Variants in AGAP1 observed in about 807,000 individuals in gnomAD.
AGAP1 encodes ArfGAP with GTPase domain, ankyrin repeat and PH domain 1.
AGAP1 carries 29 observed loss-of-function variants against 105.3 expected under a neutral mutation model. The ratio of observed to expected loss-of-function variants is 0.28; its 90% CI spans 0.21 to 0.38. The LOEUF is 0.38. Ranked by LOEUF, AGAP1 falls within the 10% of genes least tolerant of loss-of-function variation. AGAP1 has a pLI of 1.00. For missense variants in AGAP1, 998 were observed against 1,165.1 expected, an observed-to-expected ratio of 0.86 and a Z score of 2.09; for synonymous variants, 509 against 485.9, an observed-to-expected ratio of 1.05 and a Z score of -0.63.
intron 1 of AGAP1, among the ~76,000 whole-genome samples, chr2:235,540,858 G>A (rs1421108557): frequency 6.6e-6 from 1 of 152,156 alleles, no homozygotes; most frequent in African/African-American, 2.4e-5. Context: ...GTGACTTCTG[G>A]TATTTTGGGG....
rs140883741 is a variant in AGAP1 at position 235,560,304 on chromosome 2, C to T, written c.163+65455C>T. Among the ~76,000 whole-genome samples, 219 of 152,154 alleles carry T rather than the reference C, an allele frequency of 1.4e-3. 1 individual carries two copies. The highest frequency in any genetic ancestry group is 4.9e-3 in the African/African-American group (204 of 41,512). On this transcript the variant is annotated intron_variant, in intron 1 of 17. Coordinates refer to ENST00000304032, the MANE Select transcript of AGAP1 (RefSeq NM_001037131.3). ...TAGATCATTTGATTGATTTTCTCTT[C>T]TTTCTTTCTCTCTTTCTGCTTCCTT...
intron 9 of AGAP1, among the ~76,000 whole-genome samples, chr2:235,881,929 C>T (rs184847511): frequency 1.5e-4 from 23 of 152,102 alleles, no homozygotes; most frequent in African/African-American, 5.3e-4. Flanking sequence ...TGAAATTTGC[C>T]AGTGGAATTT....
At chr2:235,651,309 A>T (rs12470262) in intron 1 of AGAP1, among the ~76,000 whole-genome samples, 1 of 151,354 alleles carries the variant, frequency 6.6e-6, no homozygotes, top group Admixed American at 6.6e-5. Flanking sequence ...AGGAAGTTCT[A>T]GTACCACTGA....
rs1373348382 is a variant in AGAP1 at position 236,044,584 on chromosome 2, G to A, written c.1891+3743G>A. 6.6e-6 allele frequency among the ~76,000 whole-genome samples: 1 copy of A among 152,044 alleles called. No individual in the cohort carries two copies. The highest frequency in any genetic ancestry group is 2.4e-5 in the African/African-American group (1 of 41,384). On this transcript the variant is annotated intron_variant, in intron 15 of 17. Coordinates refer to ENST00000304032, the MANE Select transcript of AGAP1 (RefSeq NM_001037131.3). This position sits in a 1 kb window ranked among gnomAD's most constrained non-coding sequence, Gnocchi z 5.7. ...CCTTATTTCCCTTTGTGAACCCCAG[G>A]CCTGCACACAAGAGGGGACTGGCAC...
At chr2:235,567,403 C>T (rs967862466) in intron 1 of AGAP1, among the ~76,000 whole-genome samples, 2 of 152,202 alleles carry the variant, frequency 1.3e-5, no homozygotes, top group South Asian at 2.1e-4. Flanking sequence ...GGGCCCTGGG[C>T]GTCATTTAGC....
intron 1 of AGAP1, among the ~76,000 whole-genome samples, chr2:235,542,004 CA>C (rs1368867092): frequency 6.6e-6 from 1 of 152,172 alleles, no homozygotes; most frequent in Non-Finnish European, 1.5e-5. Flanking sequence ...TTTCTGCCCA[CA>C]CTGGATATTA....
intron 1 of AGAP1, among the ~76,000 whole-genome samples, chr2:235,562,377 A>G (rs1307606620): frequency 6.6e-6 from 1 of 152,004 alleles, no homozygotes; most frequent in Non-Finnish European, 1.5e-5. Context: ...GTGGGGAGAG[A>G]TGGTTCCCCG....
chr2:235,869,956 C>G (rs929097133), intron 9 of AGAP1, among the ~76,000 whole-genome samples: 3 of 152,220 alleles, frequency 2.0e-5, no homozygotes, highest in Non-Finnish European at 4.4e-5. Flanking sequence ...AGGCCTCCTT[C>G]AGGCTTTGGC....
At chr2:236,093,591 A>G (rs966511980) in intron 16 of AGAP1, among the ~76,000 whole-genome samples, 1 of 152,262 alleles carries the variant, frequency 6.6e-6, no homozygotes. Flanking sequence ...GGACTCTCAC[A>G]TGGGAGGAGG....
At chr2:235,849,494 A>C (rs1961909856) in intron 9 of AGAP1, among the ~76,000 whole-genome samples, 1 of 151,780 alleles carries the variant, frequency 6.6e-6, no homozygotes, top group African/African-American at 2.4e-5. Context: ...CCTGCAGTGG[A>C]GGACAGGTTT....
intron 12 of AGAP1, among the ~76,000 whole-genome samples, chr2:235,935,847 C>T (rs1014142154): frequency 6.6e-6 from 1 of 152,096 alleles, no homozygotes; most frequent in Non-Finnish European, 1.5e-5. Flanking sequence ...CCTGGGGGGT[C>T]GTATGTGGCA....
chr2:236,048,810 ATTAT>A (rs2057805818), intron 15 of AGAP1, among the ~76,000 whole-genome samples: 1 of 152,212 alleles, frequency 6.6e-6, no homozygotes, highest in Non-Finnish European at 1.5e-5. Flanking sequence ...AACGCTGTCA[ATTAT>A]TTATTGTGCG....
chr2:235,932,250 C>T (rs781122141), intron 12 of AGAP1, among the ~76,000 whole-genome samples: 1 of 152,182 alleles, frequency 6.6e-6, no homozygotes, highest in Admixed American at 6.5e-5. Context: ...GATGAGCCTC[C>T]GTACCTCCAT....
chr2:235,762,176 A>C (rs2149788106), intron 6 of AGAP1, among the ~76,000 whole-genome samples: 1 of 152,202 alleles, frequency 6.6e-6, no homozygotes, highest in East Asian at 1.9e-4. Flanking sequence ...TTTCTAAGTA[A>C]ACTTCACTCA....
chr2:235,657,527 C>T (rs1359896321), intron 1 of AGAP1, among the ~76,000 whole-genome samples: 1 of 152,016 alleles, frequency 6.6e-6, no homozygotes, highest in Non-Finnish European at 1.5e-5. Flanking sequence ...TACAGGCGCC[C>T]GCCACCACAT....
At position 236,046,620 on chromosome 2, in the gene AGAP1, C is replaced by T. The variant is rs141102312; in HGVS notation, c.1892-2439C>T. 1.6e-3 allele frequency among the ~76,000 whole-genome samples: 237 copies of T among 152,146 alleles called. 1 individual carries two copies. The highest frequency in any genetic ancestry group is 5.4e-3 in the African/African-American group (226 of 41,502). ...TTCTCCCAACTGAAATGTACGTGGT[C>T]GTTGCGTATATAATAATTCAGGAGC... On this transcript the variant is annotated intron_variant, in intron 15 of 17. Transcript: ENST00000304032. This position sits in a 1 kb window ranked among gnomAD's most constrained non-coding sequence, Gnocchi z 5.2.
rs1020111635 is a variant in AGAP1, at chr2:235,962,120, G to A, written c.1484-6342G>A. On this transcript the variant is annotated intron_variant, in intron 12 of 17. Transcript: ENST00000304032. The surrounding 1 kb of genome is among the most constrained non-coding windows in gnomAD (Gnocchi z 5.3). ...GAAAAGTGAGGTCATCGTGAGGATG[G>A]TGTGGGGCGTGGGGTGTTTGAAGCG... Among the ~76,000 whole-genome samples the A allele has an allele frequency of 6.6e-6, 1 of 152,204 alleles. No individual in the cohort carries two copies. The highest frequency in any genetic ancestry group is 1.5e-5 in the Non-Finnish European group (1 of 68,032).
chr2:235,841,745 T>C (rs1960872708), intron 9 of AGAP1, among the ~76,000 whole-genome samples: 1 of 152,216 alleles, frequency 6.6e-6, no homozygotes, highest in African/African-American at 2.4e-5. Context: ...ATGAATGCAT[T>C]TAATTTTCAC....
intron 10 of AGAP1, among the ~76,000 whole-genome samples, chr2:235,892,970 G>T (rs2050615500): frequency 6.6e-6 from 1 of 152,206 alleles, no homozygotes; most frequent in Admixed American, 6.5e-5. Context: ...GACATGTCAA[G>T]TCTGGCACGC....
Sources: gnomAD v4.1 joint callset for allele counts (sites outside exome capture counted in the v4.1 genomes callset) on GRCh38, gnomAD v4.1.1 for gene constraint, Gnocchi (gnomAD v3.1) non-coding constraint, MANE v1.5 for transcripts, NCBI Gene and HGNC (gene_info 2026-07-23, HGNC 2026-07-21) for gene names.